MMP16: variants seen among roughly 807,000 people sequenced by gnomAD.
The protein encoded by MMP16 is matrix metallopeptidase 16.
Under a neutral mutation model 67.8 loss-of-function variants are expected in MMP16, and 12 were observed. The observed-to-expected ratio is 0.18, with a 90% CI of 0.11 to 0.29. MMP16 has a LOEUF of 0.29. Among genes scored for constraint, MMP16 ranks in the 10% least tolerant of loss-of-function variants. The pLI is 1.00. For missense variants in MMP16, 475 were observed against 765.7 expected (o/e 0.62, Z 4.48); for synonymous variants, 249 against 255.9 (o/e 0.97, Z 0.26).
rs1349703533 is a variant in MMP16, at chr8:88,121,380, A to G, written c.710-2519T>C. 2.0e-5 allele frequency among the ~76,000 whole-genome samples: 3 copies of G among 151,988 alleles called. No homozygotes were observed. In the East Asian group the frequency reaches 5.8e-4, roughly 30 times the overall value. On this transcript the variant is annotated intron_variant, in intron 4 of 9. Coordinates refer to ENST00000286614, the MANE Select transcript of MMP16 (RefSeq NM_005941.5). ...GCTCCAAGTAATTACCATTCTTCAGATGATTGGCAATAATGTAATTAAACC... is the reference window on the plus strand; with the variant it reads ...GCTCCAAGTAATTACCATTCTTCAGGTGATTGGCAATAATGTAATTAAACC...
chr8:88,173,670 G>A (rs946946514), intron 3 of MMP16, among the ~76,000 whole-genome samples: 2 of 152,106 alleles, frequency 1.3e-5, no homozygotes, highest in African/African-American at 4.8e-5. Context: ...TGAATGTGCT[G>A]TAATATTCTA....
intron 8 of MMP16, among the ~76,000 whole-genome samples, chr8:88,047,033 T>C (rs964144690): frequency 1.3e-5 from 2 of 152,202 alleles, no homozygotes; most frequent in African/African-American, 4.8e-5. Flanking sequence ...CATCTTATTG[T>C]CCATATCCTG....
intron 8 of MMP16, among the ~76,000 whole-genome samples, chr8:88,047,613 CT>C (rs1808214826): frequency 6.6e-6 from 1 of 152,102 alleles, no homozygotes; most frequent in Admixed American, 6.5e-5. Flanking sequence ...CAGGCACATG[CT>C]GGAGTACCTG....
At chr8:88,256,787 T>C (rs145696174) in intron 1 of MMP16, among the ~76,000 whole-genome samples, 29 of 152,008 alleles carry the variant, frequency 1.9e-4, no homozygotes, top group African/African-American at 6.7e-4. Context: ...CTAGCAGCAA[T>C]ACAAATGTCC....
At chr8:88,141,767 T>C (rs1486872284) in intron 4 of MMP16, among the ~76,000 whole-genome samples, 4 of 152,158 alleles carry the variant, frequency 2.6e-5, no homozygotes, top group Admixed American at 6.5e-5. Flanking sequence ...ATATTACTGG[T>C]AGGAGTATAA....
chr8:88,172,746 G>A (rs551283388), intron 3 of MMP16, among the ~76,000 whole-genome samples: 1 of 151,966 alleles, frequency 6.6e-6, no homozygotes, highest in Admixed American at 6.6e-5. Flanking sequence ...AAGTATATCT[G>A]GCATTTCATC....
At chr8:88,089,683 C>T (rs893463910) in intron 6 of MMP16, among the ~76,000 whole-genome samples, 19 of 151,852 alleles carry the variant, frequency 1.3e-4, no homozygotes, top group African/African-American at 3.9e-4. Flanking sequence ...AAGGGGAAGA[C>T]GTTCACTTGG....
intron 1 of MMP16, among the ~76,000 whole-genome samples, chr8:88,219,465 T>G (rs898450859): frequency 6.6e-6 from 1 of 152,056 alleles, no homozygotes; most frequent in African/African-American, 2.4e-5. Context: ...TGCAGGTTGC[T>G]TTAAAGACTT....
chr8:88,038,872 T>C lies in MMP16; in HGVS notation c.*2589A>G, dbSNP rs891959551. 3 of 152,588 alleles carry C rather than the reference T, an allele frequency of 2.0e-5. No homozygotes were observed. Among genetic ancestry groups the C allele is most frequent in the Non-Finnish European group, 4.4e-5 (3 of 68,018 alleles). The allele number at this position is 152,588 out of a possible 1,614,324, so 9.5% of individuals were successfully genotyped here. A position where few individuals can be genotyped will look rare whatever the true frequency, so the allele number is the denominator to read the frequency against. On this transcript the variant is annotated 3_prime_UTR_variant, in exon 10 of 10. Coordinates refer to ENST00000286614, the MANE Select transcript of MMP16 (RefSeq NM_005941.5). The surrounding 1 kb of genome is among the most constrained non-coding windows in gnomAD (Gnocchi z 4.1). ...ATATCCTCTTAAAATATTGTCTGCA[T>C]TGTATGATATTTTACTGTAAAGCCA...
chr8:88,131,874 A>G (rs1808036484), intron 4 of MMP16, among the ~76,000 whole-genome samples: 1 of 151,880 alleles, frequency 6.6e-6, no homozygotes, highest in South Asian at 2.1e-4. Flanking sequence ...AAGTTTTAGT[A>G]TGTTTTATTT....
At chr8:88,061,874 A>G (rs1452774967) in intron 7 of MMP16, among the ~76,000 whole-genome samples, 1 of 151,990 alleles carries the variant, frequency 6.6e-6, no homozygotes, top group Admixed American at 6.6e-5. Context: ...CTTTGTATAA[A>G]ACAGCTCAAT....
At chr8:88,124,863 G>A (rs1192891998) in intron 4 of MMP16, among the ~76,000 whole-genome samples, 2 of 151,822 alleles carry the variant, frequency 1.3e-5, no homozygotes, top group African/African-American at 2.4e-5. Context: ...CTTCTTCAAT[G>A]CCCAGCTTCT....
chr8:88,184,433 A>C (rs1809033740), intron 3 of MMP16, among the ~76,000 whole-genome samples: 1 of 151,860 alleles, frequency 6.6e-6, no homozygotes, highest in African/African-American at 2.4e-5. Flanking sequence ...AATGCTTTTC[A>C]AGGTGTATCC....
At chr8:88,077,652 A>C (rs1344405064) in intron 6 of MMP16, among the ~76,000 whole-genome samples, 1 of 152,208 alleles carries the variant, frequency 6.6e-6, no homozygotes, top group Non-Finnish European at 1.5e-5. Context: ...GTGCACAATA[A>C]ATTTCTTTAA....
chr8:88,121,964 A>T (rs1424636021), intron 4 of MMP16, among the ~76,000 whole-genome samples: 1 of 152,048 alleles, frequency 6.6e-6, no homozygotes, highest in African/African-American at 2.4e-5. Context: ...GTTATGGAAC[A>T]TTTATAATCC....
intron 4 of MMP16, among the ~76,000 whole-genome samples, chr8:88,143,673 G>C (rs1022881560): frequency 6.6e-6 from 1 of 151,912 alleles, no homozygotes. Context: ...GATTAGATAA[G>C]GGTCTTGAGG....
At chr8:88,078,373 A>C (rs1293218814) in intron 6 of MMP16, among the ~76,000 whole-genome samples, 1 of 152,186 alleles carries the variant, frequency 6.6e-6, no homozygotes, top group African/African-American at 2.4e-5. Context: ...AAATTCACAT[A>C]GTGTACACCA....
At chr8:88,320,539 C>A (rs1811442745) in intron 1 of MMP16, among the ~76,000 whole-genome samples, 1 of 152,126 alleles carries the variant, frequency 6.6e-6, no homozygotes, top group Non-Finnish European at 1.5e-5. Context: ...CCCTAAAGTG[C>A]TAATTTCCTT....
chr8:88,322,852 G>A (rs536837488), intron 1 of MMP16, among the ~76,000 whole-genome samples: 1 of 152,084 alleles, frequency 6.6e-6, no homozygotes, highest in African/African-American at 2.4e-5. Flanking sequence ...TCCGGCCCAG[G>A]CAACTCTGAA....
Sources: allele counts gnomAD v4.1 joint callset (sites outside exome capture counted in the v4.1 genomes callset), GRCh38; gene constraint gnomAD v4.1.1; non-coding constraint Gnocchi (gnomAD v3.1); transcripts MANE v1.5; gene names NCBI Gene and HGNC (gene_info 2026-07-23, HGNC 2026-07-21).